Variants in SMC5 observed in about 807,000 individuals in gnomAD.
The protein encoded by SMC5 is structural maintenance of chromosomes 5.
A neutral mutation model predicts 148.3 loss-of-function variants in SMC5; 88 were observed. The ratio of observed to expected loss-of-function variants is 0.59; its 90% CI spans 0.50 to 0.71. The LOEUF is 0.71. Among genes scored for constraint, SMC5 ranks in the 30% least tolerant of loss-of-function variants. SMC5 has a pLI of 0.00. For synonymous variants in SMC5, 421 were observed against 432.8 expected (o/e 0.97, Z 0.34); for missense variants, 1,142 against 1,298.9 (o/e 0.88, Z 1.86).
chr9:70,318,003 C>T (rs2035848415), intron 13 of SMC5, among the ~76,000 whole-genome samples: 1 of 149,062 alleles, frequency 6.7e-6, no homozygotes, highest in Non-Finnish European at 1.5e-5. Flanking sequence ...TCCAAAACTA[C>T]TTGGGAGAGT....
intron 18 of SMC5, chr9:70,344,551 G>A (rs2036615616): frequency 6.3e-6 from 1 of 159,778 alleles, no homozygotes; most frequent in African/African-American, 2.4e-5. Flanking sequence ...CCAGTAATTG[G>A]TATATCAGAA....
At chr9:70,306,797 C>G (rs1340363266) in intron 11 of SMC5, among the ~76,000 whole-genome samples, 1 of 152,142 alleles carries the variant, frequency 6.6e-6, no homozygotes, top group Non-Finnish European at 1.5e-5. Flanking sequence ...AGCTGCTCAT[C>G]AGATAGAACC....
rs1453655758 is a variant in SMC5 at position 70,354,478 on chromosome 9, G to T, written c.*2147G>T. The T allele has an allele frequency of 1.3e-5, 2 of 152,274 alleles. No individual in the cohort carries two copies. The highest frequency in any genetic ancestry group is 2.1e-4 in the South Asian group (1 of 4,826). 9.4% of individuals were successfully genotyped at this position (152,274 alleles called of 1,614,324 possible). A position where few individuals can be genotyped will look rare whatever the true frequency, so the allele number is the denominator to read the frequency against. On this transcript the variant is annotated 3_prime_UTR_variant, in exon 25 of 25. Transcript: ENST00000361138. The stretch of plus-strand genomic sequence containing the variant: ...CTGACCTTGTGATCCACCCGCCTCG[G>T]CCTCCCAAAGTGCTGGGATTATAGG...
At chr9:70,314,938 C>A in intron 12 of SMC5, 102 bp downstream of exon 12, 1 of 741,584 alleles carries the variant, frequency 1.3e-6, no homozygotes, top group Admixed American at 3.6e-5. Flanking sequence ...CTTTTAAGAT[C>A]TCTTAAGTCG....
chr9:70,344,219 C>A lies in SMC5; in HGVS notation c.2473C>A (p.Gln825Lys). 1 of 1,553,106 alleles carries A rather than the reference C, an allele frequency of 6.4e-7. No homozygotes were observed. The highest frequency in any genetic ancestry group is 8.7e-7 in the Non-Finnish European group (1 of 1,147,580). The change falls in exon 18 of 25, where the codon CAA becomes AAA. Residue 825 changes from glutamine (Q) to lysine (K), a missense_variant. Physicochemically the swap from Gln to Lys is moderately conservative, Grantham distance 53. Coordinates refer to ENST00000361138, the MANE Select transcript of SMC5 (RefSeq NM_015110.4). ...CAAGGAACTTATGAAAAGAGCTAGG[C>A]AAGTATGTAACCTGGGTGCAGAGCA... Reference protein sequence around the residue: ...KCKELMKRARQVCNLGAEQTL... With the variant: ...KCKELMKRARKVCNLGAEQTL...
At chr9:70,282,325 C>A in intron 6 of SMC5, 97 bp from the exon 7 acceptor site, 4 of 1,292,782 alleles carry the variant, frequency 3.1e-6, no homozygotes, top group East Asian at 5.3e-5. Flanking sequence ...TCAAAACAAT[C>A]TTTTCTTACA....
intron 17 of SMC5, among the ~76,000 whole-genome samples, chr9:70,330,836 C>T (rs1430036090): frequency 6.6e-6 from 1 of 152,112 alleles, no homozygotes; most frequent in Non-Finnish European, 1.5e-5. Flanking sequence ...AGCCACCACA[C>T]CCAGCCTACA....
At chr9:70,283,130 C>G (rs551643147) in intron 7 of SMC5, among the ~76,000 whole-genome samples, 4 of 152,256 alleles carry the variant, frequency 2.6e-5, no homozygotes, top group South Asian at 4.2e-4. Context: ...TTTGGAGATT[C>G]ATGGATGCAC....
chr9:70,323,461 C>A, intron 15 of SMC5, 22 bp from the exon 16 acceptor site: 1 of 1,564,366 alleles, frequency 6.4e-7, no homozygotes, highest in South Asian at 1.2e-5. Flanking sequence ...CTGATTTCTT[C>A]ATTATTATAT....
In SMC5 at chr9:70,324,111, A is replaced by G. The variant is rs1434353444; in HGVS notation, c.2365A>G (p.Met789Val). 6.3e-7 allele frequency: 1 copy of G among 1,598,834 alleles called. No homozygotes were observed. ...GAAGAACAAATTAGAATCAGATTAT[A>G]TGGCCGCATCTTCACAACTCCGTCT... ...SEKNKLESDY[M>V]AASSQLRLTE... Residue 789 changes from methionine to valine, a missense_variant, in exon 17 of 25, where the codon ATG becomes GTG. Physicochemically the swap from Met to Val is conservative, Grantham distance 21. Coordinates refer to ENST00000361138, the MANE Select transcript of SMC5 (RefSeq NM_015110.4).
At chr9:70,261,111 T>C (rs1187090953) in intron 1 of SMC5, among the ~76,000 whole-genome samples, 3 of 152,184 alleles carry the variant, frequency 2.0e-5, no homozygotes, top group Admixed American at 2.0e-4. Context: ...TAGTTTGGTA[T>C]ATTTAGAAAG....
intron 3 of SMC5, 109 bp downstream of exon 3, chr9:70,268,084 A>G: frequency 1.3e-6 from 1 of 752,690 alleles, no homozygotes; most frequent in South Asian, 2.3e-5. Context: ...TGGCATAAAT[A>G]TTGGAAATAA....
At chr9:70,313,700 A>G (rs1405081341) in intron 11 of SMC5, among the ~76,000 whole-genome samples, 2 of 152,100 alleles carry the variant, frequency 1.3e-5, no homozygotes, top group East Asian at 3.9e-4. Flanking sequence ...GGCTTTCACC[A>G]TGTTGGTCGG....
intron 11 of SMC5, 101 bp from the exon 12 acceptor site, chr9:70,314,641 T>G: frequency 4.1e-6 from 2 of 492,970 alleles, no homozygotes; most frequent in South Asian, 1.3e-4. Flanking sequence ...TTCGAGTTTC[T>G]TATCCATCCC....
At chr9:70,295,037 A>G (rs1014909107) in intron 8 of SMC5, among the ~76,000 whole-genome samples, 3 of 152,166 alleles carry the variant, frequency 2.0e-5, no homozygotes, top group Admixed American at 6.5e-5. Flanking sequence ...AGGAAGGAGT[A>G]CAGTGGGGAT....
chr9:70,274,334 G>T (rs1427169584), intron 3 of SMC5, among the ~76,000 whole-genome samples: 1 of 152,148 alleles, frequency 6.6e-6, no homozygotes, highest in Non-Finnish European at 1.5e-5. Flanking sequence ...ACCCACCTCG[G>T]CCTCCCAAAG....
At chr9:70,272,256 G>T (rs1403348758) in intron 3 of SMC5, among the ~76,000 whole-genome samples, 1 of 152,174 alleles carries the variant, frequency 6.6e-6, no homozygotes, top group Non-Finnish European at 1.5e-5. Flanking sequence ...TTTGGGAGCA[G>T]ATCATACATC....
intron 3 of SMC5, among the ~76,000 whole-genome samples, chr9:70,275,240 T>G (rs2034556364): frequency 6.6e-6 from 1 of 152,180 alleles, no homozygotes; most frequent in South Asian, 2.1e-4. Flanking sequence ...TTTGTTTTTG[T>G]TTTTGTTTTG....
intron 8 of SMC5, among the ~76,000 whole-genome samples, chr9:70,290,671 G>T (rs560080863): frequency 6.6e-6 from 1 of 152,196 alleles, no homozygotes; most frequent in South Asian, 2.1e-4. Context: ...AGTATATCTT[G>T]TAGGGGAGGT....
Sources: allele counts gnomAD v4.1 joint callset (sites outside exome capture counted in the v4.1 genomes callset), GRCh38; gene constraint gnomAD v4.1.1; transcripts MANE v1.5; gene names NCBI Gene and HGNC (gene_info 2026-07-23, HGNC 2026-07-21).